Variants in PRKG1 observed in about 807,000 individuals in gnomAD.
PRKG1 encodes cGMP-dependent protein kinase 1.
PRKG1 carries 35 observed loss-of-function variants against 88.1 expected under a neutral mutation model. The observed-to-expected ratio is 0.40, with a 90% CI of 0.30 to 0.53. The LOEUF is 0.53. Among genes scored for constraint, PRKG1 ranks in the 20% least tolerant of loss-of-function variants. PRKG1 has a pLI of 0.59. For missense variants in PRKG1, 540 were observed against 839.8 expected, an observed-to-expected ratio of 0.64 and a Z score of 4.41; for synonymous variants, 303 against 292.5, an observed-to-expected ratio of 1.04 and a Z score of -0.37.
At chr10:51,473,425 T>C (rs116514700) in intron 3 of PRKG1, among the ~76,000 whole-genome samples, 1,525 of 151,990 alleles carry the variant, frequency 0.01, 25 homozygotes, top group African/African-American at 0.035. Context: ...AGGGAAACTG[T>C]TACAATCAAA....
chr10:51,532,019 T>TC (rs1247529813), intron 3 of PRKG1, among the ~76,000 whole-genome samples: 4 of 151,982 alleles, frequency 2.6e-5, no homozygotes, highest in Non-Finnish European at 4.4e-5. Context: ...GAATGTACTT[T>TC]TACAAAAACC....
chr10:51,075,877 CAG>C (rs1375023017), intron 1 of PRKG1, among the ~76,000 whole-genome samples: 1 of 152,156 alleles, frequency 6.6e-6, no homozygotes, highest in Non-Finnish European at 1.5e-5. Flanking sequence ...ATGAGGTTAA[CAG>C]AATGTGGGAG....
At chr10:51,158,147 AC>A (rs368752143) in intron 2 of PRKG1, among the ~76,000 whole-genome samples, 2 of 152,006 alleles carry the variant, frequency 1.3e-5, no homozygotes, top group East Asian at 3.9e-4. Context: ...AATGATAATA[AC>A]TTTTGTTAGT....
At chr10:51,338,198 A>T (rs1477812796) in intron 2 of PRKG1, among the ~76,000 whole-genome samples, 2 of 152,134 alleles carry the variant, frequency 1.3e-5, no homozygotes, top group African/African-American at 4.8e-5. Flanking sequence ...AACAACACAC[A>T]CTGGGGCCTG....
chr10:51,802,122 G>A (rs1839189331), intron 3 of PRKG1, among the ~76,000 whole-genome samples: 1 of 152,098 alleles, frequency 6.6e-6, no homozygotes, highest in Non-Finnish European at 1.5e-5. Flanking sequence ...TTACACTCCA[G>A]CAGGCTAGTT....
chr10:51,353,580 C>T (rs956117643), intron 2 of PRKG1, among the ~76,000 whole-genome samples: 3 of 152,092 alleles, frequency 2.0e-5, no homozygotes, highest in African/African-American at 7.2e-5. Flanking sequence ...CAGAGAAATA[C>T]AAACGCTACA....
At chr10:51,042,480 G>A (rs1843437010) in intron 1 of PRKG1, among the ~76,000 whole-genome samples, 1 of 152,172 alleles carries the variant, frequency 6.6e-6, no homozygotes, top group Non-Finnish European at 1.5e-5. Context: ...TTCTCTGAAT[G>A]AGCCATACTG....
At chr10:51,861,665 T>C (rs1349790011) in intron 4 of PRKG1, among the ~76,000 whole-genome samples, 1 of 152,238 alleles carries the variant, frequency 6.6e-6, no homozygotes, top group Non-Finnish European at 1.5e-5. Context: ...ACAGAACATA[T>C]ACTTCTTACT....
chr10:51,500,299 C>G (rs964678581), intron 3 of PRKG1, among the ~76,000 whole-genome samples: 3 of 152,130 alleles, frequency 2.0e-5, no homozygotes, highest in African/African-American at 7.2e-5. Context: ...TTTAACAATA[C>G]TTCCAATAAA....
intron 3 of PRKG1, among the ~76,000 whole-genome samples, chr10:51,712,580 C>CTTTTTTTT (rs60053336): frequency 3.1e-5 from 3 of 96,004 alleles, no homozygotes; most frequent in African/African-American, 4.1e-5. Context: ...AATATTATTC[C>CTTTTTTTT]TTTTTTTTTT....
At chr10:51,375,229 A>C (rs1842793589) in intron 2 of PRKG1, among the ~76,000 whole-genome samples, 1 of 151,804 alleles carries the variant, frequency 6.6e-6, no homozygotes, top group Non-Finnish European at 1.5e-5. Context: ...TTGTATATGC[A>C]TTGGAGTCTT....
intron 2 of PRKG1, among the ~76,000 whole-genome samples, chr10:51,314,331 A>C (rs1841266731): frequency 6.6e-6 from 1 of 152,104 alleles, no homozygotes; most frequent in Non-Finnish European, 1.5e-5. Flanking sequence ...CCTCTAGCTG[A>C]TTCCTGAAAT....
chr10:51,753,469 T>C (rs1837779568), intron 3 of PRKG1, among the ~76,000 whole-genome samples: 1 of 152,160 alleles, frequency 6.6e-6, no homozygotes, highest in African/African-American at 2.4e-5. Context: ...ACTCGGTCGG[T>C]ACAAATCAGG....
chr10:51,108,897 T>C (rs1217637135), intron 1 of PRKG1, among the ~76,000 whole-genome samples: 1 of 152,118 alleles, frequency 6.6e-6, no homozygotes. Flanking sequence ...CTACTAGAAC[T>C]GGGAAATGAG....
intron 5 of PRKG1, among the ~76,000 whole-genome samples, chr10:51,997,302 C>G (rs1053159399): frequency 6.6e-6 from 1 of 151,848 alleles, no homozygotes; most frequent in African/African-American, 2.4e-5. Flanking sequence ...GAAACCCCGT[C>G]TCTACTAAAA....
intron 8 of PRKG1, among the ~76,000 whole-genome samples, chr10:52,154,689 G>A (rs920892964): frequency 2.0e-5 from 3 of 151,934 alleles, no homozygotes; most frequent in African/African-American, 7.3e-5. Flanking sequence ...GGTGGTTTTT[G>A]GTTACATGGG....
At position 51,379,258 on chromosome 10, in the gene PRKG1, G is replaced by A. The variant is rs541124264; in HGVS notation, c.479-88465G>A. On this transcript the variant is annotated intron_variant, in intron 2 of 17. Coordinates refer to ENST00000373980, the MANE Select transcript of PRKG1 (RefSeq NM_006258.4). ...GTAATAATAACAATAATGAAGAGGA[G>A]GAGAAAAGCTAACATTTATCACATG... Among the ~76,000 whole-genome samples, 451 of 152,186 alleles carry A rather than the reference G, an allele frequency of 3.0e-3. 4 individuals carry two copies. The highest frequency in any genetic ancestry group is 0.01 in the African/African-American group (422 of 41,534).
chr10:51,318,326 G>T (rs143686794), intron 2 of PRKG1, among the ~76,000 whole-genome samples: 1 of 152,154 alleles, frequency 6.6e-6, no homozygotes, highest in Non-Finnish European at 1.5e-5. Flanking sequence ...GATGTAAAAT[G>T]AGGATGATAA....
chr10:51,287,986 C>T (rs912796136), intron 2 of PRKG1, among the ~76,000 whole-genome samples: 1 of 152,014 alleles, frequency 6.6e-6, no homozygotes, highest in Non-Finnish European at 1.5e-5. Flanking sequence ...GTTCTGGATC[C>T]TATGTATTTT....
Sources: gnomAD v4.1 joint callset for allele counts (sites outside exome capture counted in the v4.1 genomes callset) on GRCh38, gnomAD v4.1.1 for gene constraint, MANE v1.5 for transcripts, NCBI Gene and HGNC (gene_info 2026-07-23, HGNC 2026-07-21) for gene names.